SIL1: variants seen among roughly 807,000 people sequenced by gnomAD.
The protein encoded by SIL1 is SIL1 nucleotide exchange factor.
In SIL1, 40 loss-of-function variants were observed where a neutral mutation model predicts 49.1. That is an observed-to-expected ratio of 0.81 (90% confidence interval 0.63 to 1.06). The LOEUF is 1.06. SIL1 is among the 50% of genes least tolerant of loss of function. The pLI is 0.00. For missense variants in SIL1, 500 were observed against 572.6 expected (o/e 0.87, Z 1.29); for synonymous variants, 253 against 250.8 (o/e 1.01, Z -0.08).
intron 3 of SIL1, among the ~76,000 whole-genome samples, chr5:139,051,911 C>T (rs993900552): frequency 2.0e-5 from 3 of 152,200 alleles, no homozygotes; most frequent in Admixed American, 2.0e-4. Flanking sequence ...CATGAAACTG[C>T]TGTAGGGATG....
intron 1 of SIL1, among the ~76,000 whole-genome samples, chr5:139,197,709 T>C (rs1221217916): frequency 2.0e-5 from 3 of 152,192 alleles, no homozygotes; most frequent in South Asian, 2.1e-4. Flanking sequence ...GAGAACCCCC[T>C]GGGGTACAGC....
At chr5:139,058,900 T>G (rs985315188) in intron 3 of SIL1, among the ~76,000 whole-genome samples, 7 of 152,044 alleles carry the variant, frequency 4.6e-5, no homozygotes, top group African/African-American at 1.7e-4. Context: ...ATCTGGATGC[T>G]AGGTGTGTTC....
At chr5:139,025,496 T>G (rs900766412) in intron 6 of SIL1, among the ~76,000 whole-genome samples, 1 of 152,240 alleles carries the variant, frequency 6.6e-6, no homozygotes, top group African/African-American at 2.4e-5. Context: ...GTGCCTGGTA[T>G]ATGACAACAC....
At chr5:138,974,694 C>T (rs1430565072) in intron 7 of SIL1, among the ~76,000 whole-genome samples, 3 of 152,088 alleles carry the variant, frequency 2.0e-5, no homozygotes, top group African/African-American at 7.2e-5. Context: ...CCTGGGTTTC[C>T]TTTATGTTGC....
At chr5:138,960,413 CTTTTTTTTT>C (rs150578906) in intron 7 of SIL1, among the ~76,000 whole-genome samples, 3 of 124,272 alleles carry the variant, frequency 2.4e-5, no homozygotes, top group African/African-American at 9.7e-5. Flanking sequence ...AAATCTACGT[CTTTTTTTTT>C]TTTTTTTTTT....
At chr5:139,050,260 T>A (rs960592085) in intron 4 of SIL1, among the ~76,000 whole-genome samples, 6 of 152,174 alleles carry the variant, frequency 3.9e-5, no homozygotes, top group African/African-American at 1.4e-4. Context: ...TCTACTGAGC[T>A]TTCAAAATGC....
chr5:139,091,118 A>G (rs1235354511), intron 3 of SIL1, among the ~76,000 whole-genome samples: 1 of 152,230 alleles, frequency 6.6e-6, no homozygotes, highest in African/African-American at 2.4e-5. Context: ...AACTTTCCTA[A>G]TTATAAGTTG....
At chr5:139,020,572 C>T (rs1029347625) in intron 7 of SIL1, among the ~76,000 whole-genome samples, 7 of 152,190 alleles carry the variant, frequency 4.6e-5, no homozygotes, top group African/African-American at 1.2e-4. Context: ...GATATCTTGA[C>T]CTTTGCAGGT....
intron 3 of SIL1, among the ~76,000 whole-genome samples, chr5:139,072,666 T>C (rs1769858973): frequency 6.6e-6 from 1 of 152,122 alleles, no homozygotes; most frequent in Non-Finnish European, 1.5e-5. Flanking sequence ...ACTTTTTAGA[T>C]TTGACCCCTA....
chr5:139,146,693 T>C (rs1418004618), intron 1 of SIL1, among the ~76,000 whole-genome samples: 1 of 152,236 alleles, frequency 6.6e-6, no homozygotes, highest in Non-Finnish European at 1.5e-5. Flanking sequence ...TAAGAGGTTT[T>C]ATCATGAATG....
chr5:139,122,941 G>A (rs1299368699), intron 2 of SIL1, among the ~76,000 whole-genome samples: 3 of 152,132 alleles, frequency 2.0e-5, no homozygotes, highest in African/African-American at 4.8e-5. Flanking sequence ...CTTGTGTCTC[G>A]GGAAAGTTAT....
chr5:139,026,830 G>A lies in SIL1; in HGVS notation c.616C>T (p.Leu206Phe). Reference sequence around the variant, plus strand: ...TGGACATAATATTCAAGATCAAAGAGCGCAGCAATCTTCTCTTCCAAACTG... The same window carrying A: ...TGGACATAATATTCAAGATCAAAGAACGCAGCAATCTTCTCTTCCAAACTG... ...SSSLEEKIAALFDLEYYVHQM... is the reference protein window; with the variant it reads ...SSSLEEKIAAFFDLEYYVHQM... Residue 206 changes from leucine to phenylalanine, a missense_variant, in exon 6 of 10, where the codon CTC becomes TTC. By Grantham distance (22) the Leu-to-Phe change is conservative. Transcript: ENST00000394817. The A allele has an allele frequency of 6.2e-7, 1 of 1,614,092 alleles. No individual in the cohort carries two copies. Among genetic ancestry groups the A allele is most frequent in the African/African-American group, 1.3e-5 (1 of 75,050 alleles).
intron 1 of SIL1, among the ~76,000 whole-genome samples, chr5:139,167,003 G>A (rs912935283): frequency 1.3e-5 from 2 of 151,918 alleles, no homozygotes; most frequent in East Asian, 3.9e-4. Context: ...TAGTAGAGAC[G>A]GGGTTTCACC....
chr5:138,999,002 GC>G (rs1357905720), intron 7 of SIL1, among the ~76,000 whole-genome samples: 4 of 151,810 alleles, frequency 2.6e-5, no homozygotes, highest in Non-Finnish European at 5.9e-5. Flanking sequence ...GATTACAGGT[GC>G]CCGCCACCAC....
At chr5:139,025,861 A>G (rs1278558485) in intron 6 of SIL1, among the ~76,000 whole-genome samples, 2 of 152,330 alleles carry the variant, frequency 1.3e-5, no homozygotes, top group East Asian at 3.9e-4. Flanking sequence ...ACAACTACTC[A>G]ATTCTGCCAT....
At chr5:138,995,278 A>G (rs1767840286) in intron 7 of SIL1, among the ~76,000 whole-genome samples, 1 of 145,788 alleles carries the variant, frequency 6.9e-6, no homozygotes, top group Non-Finnish European at 1.5e-5. Flanking sequence ...ACAGAGTTTC[A>G]CTCTTGTTGC....
At chr5:139,197,721 G>A (rs1752305259) in intron 1 of SIL1, among the ~76,000 whole-genome samples, 1 of 152,136 alleles carries the variant, frequency 6.6e-6, no homozygotes, top group Non-Finnish European at 1.5e-5. Context: ...GGGTACAGCT[G>A]CCCACGCACC....
At chr5:138,983,604 T>C (rs1439666952) in intron 7 of SIL1, among the ~76,000 whole-genome samples, 1 of 151,398 alleles carries the variant, frequency 6.6e-6, no homozygotes, top group African/African-American at 2.4e-5. Context: ...ACAGGTCCAA[T>C]CTTACCCATG....
intron 7 of SIL1, among the ~76,000 whole-genome samples, chr5:139,019,826 A>G (rs1668057816): frequency 6.6e-6 from 1 of 152,214 alleles, no homozygotes; most frequent in Admixed American, 6.5e-5. Context: ...TAAGGCAAAG[A>G]TTTCCAAAAA....
Sources: allele counts gnomAD v4.1 joint callset (sites outside exome capture counted in the v4.1 genomes callset), GRCh38; gene constraint gnomAD v4.1.1; transcripts MANE v1.5; gene names NCBI Gene and HGNC (gene_info 2026-07-23, HGNC 2026-07-21).